Variants in DPP10 observed in about 807,000 individuals in gnomAD.
DPP10 encodes the protein inactive dipeptidyl peptidase 10.
Under a neutral mutation model 120.9 loss-of-function variants are expected in DPP10, and 33 were observed. The ratio of observed to expected loss-of-function variants is 0.27; its 90% CI spans 0.21 to 0.37. DPP10 has a LOEUF of 0.37. Ranked by LOEUF, DPP10 falls within the 10% of genes least tolerant of loss-of-function variation. DPP10 has a pLI of 1.00. For synonymous variants in DPP10, 337 were observed against 326.1 expected (o/e 1.03, Z -0.36); for missense variants, 816 against 942.8 (o/e 0.87, Z 1.76).
intron 1 of DPP10, among the ~76,000 whole-genome samples, chr2:115,026,038 T>C (rs1050866859): frequency 4.6e-5 from 7 of 152,160 alleles, no homozygotes; most frequent in Admixed American, 4.6e-4. Flanking sequence ...TGATCCCATT[T>C]GTTTATTTTT....
At chr2:115,801,433 G>T (rs12465071) in intron 19 of DPP10, among the ~76,000 whole-genome samples, 13,176 of 151,986 alleles carry the variant, frequency 0.087, 623 homozygotes, top group South Asian at 0.14. Flanking sequence ...TTATTCCTTT[G>T]TCGTGCCTGA....
Position 115,017,858 on chromosome 2 carries a change from T to TG in DPP10, c.61-291375dup, listed in dbSNP as rs554065247. Among the ~76,000 whole-genome samples, 35 of 114,100 alleles carry TG rather than the reference T, an allele frequency of 3.1e-4. No individual in the cohort carries two copies. In the East Asian group the frequency reaches 8.1e-3, roughly 27 times the overall value. 74.9% of individuals were successfully genotyped at this position (114,100 alleles called of 152,430 possible). ...ATCACACACAGGGCCTGTTGTGGGGTGGGGGGAGTGGGGAGGGATAGCATT... is the reference window on the plus strand; with the variant it reads ...ATCACACACAGGGCCTGTTGTGGGGTGGGGGGGAGTGGGGAGGGATAGCATT... On this transcript the variant is annotated intron_variant, in intron 1 of 25. Transcript: ENST00000410059.
chr2:115,047,525 A>G (rs34891732), intron 1 of DPP10, among the ~76,000 whole-genome samples: 55,555 of 151,720 alleles, frequency 0.37, 10,587 homozygotes, highest in South Asian at 0.54. Context: ...TGTCTTTTTC[A>G]TTATTTTAAA....
chr2:114,831,102 G>A (rs1687079861), intron 1 of DPP10, among the ~76,000 whole-genome samples: 2 of 121,396 alleles, frequency 1.6e-5, no homozygotes, highest in Non-Finnish European at 3.2e-5. Flanking sequence ...TTAAAAAACA[G>A]ATGATGGGGC....
rs35095391 is a variant in DPP10, at chr2:114,758,038, T to C, written c.60+315200T>C. 4.8e-3 allele frequency among the ~76,000 whole-genome samples: 736 copies of C among 152,294 alleles called. 3 individuals carry two copies. Among genetic ancestry groups the C allele is most frequent in the Non-Finnish European group, 7.6e-3 (520 of 68,024 alleles). On this transcript the variant is annotated intron_variant, in intron 1 of 25. Coordinates refer to ENST00000410059, the MANE Select transcript of DPP10 (RefSeq NM_020868.6). Reference sequence around the variant, plus strand: ...CCCTCTATGTTATACACAGTCTCAGTGTTGCCTGACTCCAGAGTTCCCGTG... The same window carrying C: ...CCCTCTATGTTATACACAGTCTCAGCGTTGCCTGACTCCAGAGTTCCCGTG...
At chr2:115,521,069 A>T (rs1197801940) in intron 4 of DPP10, among the ~76,000 whole-genome samples, 3 of 152,238 alleles carry the variant, frequency 2.0e-5, no homozygotes, top group African/African-American at 7.2e-5. Flanking sequence ...AAAGGAGAAG[A>T]ATTAGAATGA....
At chr2:114,706,038 C>T (rs1700666068) in intron 1 of DPP10, among the ~76,000 whole-genome samples, 1 of 152,170 alleles carries the variant, frequency 6.6e-6, no homozygotes, top group Non-Finnish European at 1.5e-5. Context: ...AACTATGCTG[C>T]CCCCATGGGC....
intron 17 of DPP10, among the ~76,000 whole-genome samples, chr2:115,785,650 C>T (rs1683255792): frequency 6.6e-6 from 1 of 152,096 alleles, no homozygotes; most frequent in South Asian, 2.1e-4. Context: ...TCTCTGAAGG[C>T]TTTTTGTATT....
intron 3 of DPP10, among the ~76,000 whole-genome samples, chr2:115,446,949 A>T (rs2072654071): frequency 6.6e-6 from 1 of 152,144 alleles, no homozygotes; most frequent in Non-Finnish European, 1.5e-5. Flanking sequence ...AAACAGTGGT[A>T]TTTGACCAGG....
At chr2:114,759,314 C>T (rs1218849290) in intron 1 of DPP10, among the ~76,000 whole-genome samples, 2 of 152,164 alleles carry the variant, frequency 1.3e-5, no homozygotes, top group African/African-American at 4.8e-5. Context: ...TTTAGATATT[C>T]CTCATGGCAT....
At chr2:115,754,261 A>G (rs1336505899) in intron 11 of DPP10, among the ~76,000 whole-genome samples, 1 of 152,130 alleles carries the variant, frequency 6.6e-6, no homozygotes, top group African/African-American at 2.4e-5. Context: ...GGACCAGAGA[A>G]GTTGGAGCTT....
At chr2:115,660,547 A>G (rs2088836608) in intron 5 of DPP10, among the ~76,000 whole-genome samples, 1 of 151,770 alleles carries the variant, frequency 6.6e-6, no homozygotes, top group Admixed American at 6.6e-5. Context: ...TCCTTATAAA[A>G]CAACTCTTTA....
intron 1 of DPP10, among the ~76,000 whole-genome samples, chr2:114,494,121 A>C (rs866321077): frequency 5.4e-5 from 8 of 147,546 alleles, no homozygotes; most frequent in African/African-American, 1.8e-4. Context: ...AAAAAAAAAA[A>C]CCCAGCAAAT....
At chr2:115,419,298 T>C (rs1158970549) in intron 3 of DPP10, among the ~76,000 whole-genome samples, 1 of 152,166 alleles carries the variant, frequency 6.6e-6, no homozygotes. Context: ...AAGCCTTGGC[T>C]CCTGGTTCCG....
chr2:115,750,767 C>CT (rs1162016154), intron 10 of DPP10, among the ~76,000 whole-genome samples: 1 of 151,844 alleles, frequency 6.6e-6, no homozygotes, highest in African/African-American at 2.4e-5. Context: ...AGATTAAGTT[C>CT]TTTTTTTTAA....
intron 1 of DPP10, among the ~76,000 whole-genome samples, chr2:114,624,892 C>T (rs1694397257): frequency 6.6e-6 from 1 of 151,924 alleles, no homozygotes; most frequent in Non-Finnish European, 1.5e-5. Flanking sequence ...TGTTGCTCCA[C>T]TTACCTCCTC....
chr2:114,852,977 CTG>C, intron 1 of DPP10, among the ~76,000 whole-genome samples: 1 of 152,260 alleles, frequency 6.6e-6, no homozygotes, highest in East Asian at 1.9e-4. Context: ...CCTGTGCAGG[CTG>C]TGTTTGATCA....
At chr2:115,726,464 G>A (rs12621324) in intron 7 of DPP10, among the ~76,000 whole-genome samples, 54,362 of 151,964 alleles carry the variant, frequency 0.36, 11,505 homozygotes, top group East Asian at 0.65. Context: ...TTATAAAGTA[G>A]AGGACCGAGA....
At chr2:115,082,853 G>A (rs745966139) in intron 1 of DPP10, among the ~76,000 whole-genome samples, 33 of 152,098 alleles carry the variant, frequency 2.2e-4, no homozygotes, top group Non-Finnish European at 4.0e-4. Flanking sequence ...CTAAATAACT[G>A]GTTATTGTTT....
Sources: gnomAD v4.1 joint callset for allele counts (sites outside exome capture counted in the v4.1 genomes callset) on GRCh38, gnomAD v4.1.1 for gene constraint, MANE v1.5 for transcripts, NCBI Gene and HGNC (gene_info 2026-07-23, HGNC 2026-07-21) for gene names.